Variants in NALF1 observed in about 807,000 individuals in gnomAD.
NALF1 encodes NALCN channel auxiliary factor 1, also known as family with sequence similarity 155 member A.
Under a neutral mutation model 48.4 loss-of-function variants are expected in NALF1, and 3 were observed. That is an observed-to-expected ratio of 0.06 (90% CI 0.03 to 0.16). NALF1 has a LOEUF of 0.16. Ranked by LOEUF, NALF1 falls within the 10% of genes least tolerant of loss-of-function variation. NALF1 has a pLI of 1.00. For missense variants in NALF1, 526 were observed against 571.5 expected, an observed-to-expected ratio of 0.92 and a Z score of 0.81; for synonymous variants, 262 against 245.7, an observed-to-expected ratio of 1.07 and a Z score of -0.62.
At chr13:107,189,470 T>C (rs146531052) in intron 2 of NALF1, among the ~76,000 whole-genome samples, 8 of 152,322 alleles carry the variant, frequency 5.3e-5, no homozygotes, top group African/African-American at 1.7e-4. Flanking sequence ...TTAGTGATCG[T>C]TGGACTTTAT....
chr13:107,460,642 G>A (rs992678509), intron 1 of NALF1, among the ~76,000 whole-genome samples: 1 of 152,080 alleles, frequency 6.6e-6, no homozygotes, highest in Non-Finnish European at 1.5e-5. Flanking sequence ...GCAAGGTGGT[G>A]CATATTACAG....
chr13:107,243,152 C>T (rs1742889562), intron 1 of NALF1, among the ~76,000 whole-genome samples: 1 of 152,180 alleles, frequency 6.6e-6, no homozygotes, highest in South Asian at 2.1e-4. Flanking sequence ...CCTGACCTGA[C>T]CGCTGCCTGG....
At chr13:107,524,084 T>A (rs2139099516) in intron 1 of NALF1, among the ~76,000 whole-genome samples, 1 of 152,228 alleles carries the variant, frequency 6.6e-6, no homozygotes, top group African/African-American at 2.4e-5. Context: ...TACATATTTT[T>A]AAAAATTCTA....
At chr13:107,254,428 G>C (rs1009684718) in intron 1 of NALF1, among the ~76,000 whole-genome samples, 2 of 152,184 alleles carry the variant, frequency 1.3e-5, no homozygotes, top group African/African-American at 4.8e-5. Context: ...GAGGAACTTT[G>C]TTCGTGTTCC....
At chr13:107,506,357 T>A (rs1014492153) in intron 1 of NALF1, among the ~76,000 whole-genome samples, 1 of 152,124 alleles carries the variant, frequency 6.6e-6, no homozygotes, top group Non-Finnish European at 1.5e-5. Flanking sequence ...AAAAATATAC[T>A]AGATTTCAAA....
intron 1 of NALF1, among the ~76,000 whole-genome samples, chr13:107,646,543 G>T (rs531083513): frequency 6.6e-6 from 1 of 151,970 alleles, no homozygotes; most frequent in African/African-American, 2.4e-5. Context: ...GTGACTCAAC[G>T]CATTGTTGAT....
intron 1 of NALF1, among the ~76,000 whole-genome samples, chr13:107,551,114 C>T (rs752161015): frequency 6.6e-6 from 1 of 152,082 alleles, no homozygotes; most frequent in Non-Finnish European, 1.5e-5. Flanking sequence ...TCTTCTCTCT[C>T]TCTGGTCGTA....
chr13:107,804,789 A>G (rs1022583456), intron 1 of NALF1, among the ~76,000 whole-genome samples: 1 of 152,240 alleles, frequency 6.6e-6, no homozygotes, highest in African/African-American at 2.4e-5. Flanking sequence ...AATGAACAAT[A>G]CCAGAGTAAC....
intron 1 of NALF1, among the ~76,000 whole-genome samples, chr13:107,714,174 T>C (rs1875681297): frequency 6.6e-6 from 1 of 152,204 alleles, no homozygotes; most frequent in South Asian, 2.1e-4. Flanking sequence ...TGATGACATA[T>C]GTTGATATAA....
At chr13:107,634,295 T>G (rs762492265) in intron 1 of NALF1, among the ~76,000 whole-genome samples, 2 of 152,044 alleles carry the variant, frequency 1.3e-5, no homozygotes, top group African/African-American at 4.8e-5. Context: ...TCAGGGGTGA[T>G]GAGAAATTAC....
intron 2 of NALF1, among the ~76,000 whole-genome samples, chr13:107,185,954 G>C (rs1208857511): frequency 6.6e-6 from 1 of 152,122 alleles, no homozygotes; most frequent in Non-Finnish European, 1.5e-5. Context: ...AAAAATGTTA[G>C]ATGCAAAATT....
intron 1 of NALF1, among the ~76,000 whole-genome samples, chr13:107,247,691 T>G (rs1880611540): frequency 6.6e-6 from 1 of 152,210 alleles, no homozygotes; most frequent in Non-Finnish European, 1.5e-5. Flanking sequence ...GGAAATTTAA[T>G]TAATTCAATG....
At chr13:107,568,207 C>T (rs915520974) in intron 1 of NALF1, among the ~76,000 whole-genome samples, 4 of 152,152 alleles carry the variant, frequency 2.6e-5, no homozygotes, top group Non-Finnish European at 4.4e-5. Context: ...TCTCTAGCTC[C>T]TGGGCTCAAG....
At chr13:107,644,642 C>CATATATATATATATAT (rs371201609) in intron 1 of NALF1, among the ~76,000 whole-genome samples, 2,363 of 91,368 alleles carry the variant, frequency 0.026, 86 homozygotes, top group Non-Finnish European at 0.032. Flanking sequence ...TACATACATA[C>CATATATATATATATAT]ATACATATAT....
chr13:107,165,583 A>T lies in NALF1; in HGVS notation c.*4914T>A, dbSNP rs1032921446. 2 of 152,222 alleles carry T rather than the reference A, an allele frequency of 1.3e-5. No homozygotes were observed. Among genetic ancestry groups the T allele is most frequent in the Non-Finnish European group, 2.9e-5 (2 of 68,024 alleles). The allele number at this position is 152,222 out of a possible 1,614,324, so 9.4% of individuals were successfully genotyped here. A position where few individuals can be genotyped will look rare whatever the true frequency, so the allele number is the denominator to read the frequency against. On this transcript the variant is annotated 3_prime_UTR_variant, in exon 3 of 3. Transcript: ENST00000375915. ...TATTTTGTTTCATGCCTTAAGTTTTATTCCAAGGCTAAGAAGATTATCTAT... is the reference window on the plus strand; with the variant it reads ...TATTTTGTTTCATGCCTTAAGTTTTTTTCCAAGGCTAAGAAGATTATCTAT...
At chr13:107,188,877 G>A (rs1426028940) in intron 2 of NALF1, among the ~76,000 whole-genome samples, 2 of 152,178 alleles carry the variant, frequency 1.3e-5, no homozygotes, top group African/African-American at 2.4e-5. Flanking sequence ...GCACCTAGAT[G>A]TAGCCTAAGA....
At chr13:107,682,938 A>G (rs936655266) in intron 1 of NALF1, among the ~76,000 whole-genome samples, 4 of 152,194 alleles carry the variant, frequency 2.6e-5, no homozygotes, top group Non-Finnish European at 5.9e-5. Context: ...TTTAGGGCCA[A>G]TTTTAGTAAC....
At chr13:107,435,753 C>T (rs1011856323) in intron 1 of NALF1, among the ~76,000 whole-genome samples, 8 of 139,332 alleles carry the variant, frequency 5.7e-5, no homozygotes, top group Admixed American at 1.5e-4. Context: ...TCTTTCATAA[C>T]AAAAGAGTGT....
At chr13:107,748,573 T>A (rs1876846721) in intron 1 of NALF1, among the ~76,000 whole-genome samples, 1 of 152,206 alleles carries the variant, frequency 6.6e-6, no homozygotes, top group Non-Finnish European at 1.5e-5. Context: ...GCTTGAACAA[T>A]GTAAACTCTC....
Sources: allele counts gnomAD v4.1 joint callset (sites outside exome capture counted in the v4.1 genomes callset), GRCh38; gene constraint gnomAD v4.1.1; transcripts MANE v1.5; gene names NCBI Gene and HGNC (gene_info 2026-07-23, HGNC 2026-07-21).